RASAL2: variants seen among roughly 807,000 people sequenced by gnomAD.
RASAL2 encodes the protein RAS protein activator like 2, also known as ras GTPase-activating protein nGAP.
Under a neutral mutation model 128.9 loss-of-function variants are expected in RASAL2, and 58 were observed. That is an observed-to-expected ratio of 0.45 (90% CI 0.36 to 0.56). RASAL2 has a LOEUF of 0.56. Ranked by LOEUF, RASAL2 falls within the 20% of genes least tolerant of loss-of-function variation. RASAL2 has a pLI of 0.00. For missense variants in RASAL2, 1,360 were observed against 1,601.6 expected, an observed-to-expected ratio of 0.85 and a Z score of 2.57; for synonymous variants, 561 against 580.8, an observed-to-expected ratio of 0.97 and a Z score of 0.49.
In RASAL2 at chr1:178,163,501, A is replaced by G. The variant is rs140582860; in HGVS notation, c.202+68807A>G. Among the ~76,000 whole-genome samples, 122 of 152,250 alleles carry G rather than the reference A, an allele frequency of 8.0e-4. 1 individual carries two copies. Among genetic ancestry groups the G allele is most frequent in the African/African-American group, 1.4e-3 (58 of 41,562 alleles). On this transcript the variant is annotated intron_variant, in intron 1 of 17. Coordinates refer to ENST00000367649, the MANE Select transcript of RASAL2 (RefSeq NM_170692.4). Reference sequence around the variant, plus strand: ...TTTGTATATGGTGTGACTAGGGTCTAACTTTATACTTCTGCATGTGGATAT... The same window carrying G: ...TTTGTATATGGTGTGACTAGGGTCTGACTTTATACTTCTGCATGTGGATAT...
chr1:178,419,667 G>A (rs141324566), intron 4 of RASAL2, among the ~76,000 whole-genome samples: 224 of 152,188 alleles, frequency 1.5e-3, no homozygotes, highest in African/African-American at 5.1e-3. Context: ...AGTAGTGACC[G>A]TCATTCATTT....
chr1:178,469,014 T>C (rs1445629304), intron 17 of RASAL2, among the ~76,000 whole-genome samples: 1 of 152,204 alleles, frequency 6.6e-6, no homozygotes, highest in Non-Finnish European at 1.5e-5. Flanking sequence ...AGTATCAGTC[T>C]TGGCCAGGCA....
chr1:178,182,300 A>G (rs1157868028), intron 1 of RASAL2, among the ~76,000 whole-genome samples: 6 of 152,152 alleles, frequency 3.9e-5, no homozygotes, highest in African/African-American at 7.2e-5. Context: ...TTTTGGCACT[A>G]CAAGATGCTC....
chr1:178,257,847 G>GAAAAAAAAA (rs71108038), intron 1 of RASAL2, among the ~76,000 whole-genome samples: 2 of 128,072 alleles, frequency 1.6e-5, no homozygotes, highest in African/African-American at 3.3e-5. Flanking sequence ...TCTCAAAAAA[G>GAAAAAAAAA]AAAAAAAAAA....
intron 9 of RASAL2, among the ~76,000 whole-genome samples, chr1:178,447,969 A>G (rs1164321334): frequency 1.3e-5 from 2 of 152,142 alleles, no homozygotes; most frequent in African/African-American, 4.8e-5. Flanking sequence ...TTCAATTTGA[A>G]GTTCTAGTAG....
intron 9 of RASAL2, among the ~76,000 whole-genome samples, chr1:178,450,961 G>A (rs779137166): frequency 1.3e-5 from 2 of 152,132 alleles, no homozygotes; most frequent in Non-Finnish European, 2.9e-5. Flanking sequence ...GGAATAGTGG[G>A]TGTATCTTCA....
chr1:178,331,393 A>G (rs577367936), intron 3 of RASAL2, among the ~76,000 whole-genome samples: 15 of 152,194 alleles, frequency 9.9e-5, no homozygotes, highest in Non-Finnish European at 1.2e-4. Flanking sequence ...TTGAATCCCT[A>G]TGCCCTTATA....
intron 1 of RASAL2, among the ~76,000 whole-genome samples, chr1:178,221,337 T>C (rs1400999713): frequency 6.6e-6 from 1 of 152,214 alleles, no homozygotes; most frequent in Admixed American, 6.5e-5. Context: ...GTTTTTCTAG[T>C]ATCCTAAGGT....
intron 1 of RASAL2, among the ~76,000 whole-genome samples, chr1:178,169,644 A>G (rs967464710): frequency 7.9e-5 from 12 of 151,904 alleles, no homozygotes; most frequent in Admixed American, 2.0e-4. Flanking sequence ...ACAGTTTTCA[A>G]GTTTGTACCT....
rs947830972 is a variant in RASAL2, at chr1:178,476,584, C to T, written c.*3345C>T. On this transcript the variant is annotated 3_prime_UTR_variant, in exon 18 of 18. Transcript: ENST00000367649. ...TTTTTTCATATAGTATCAAGTTGGT[C>T]AGAATTAGCTTTCTCTGACTGGTCT... 6.6e-6 allele frequency: 1 copy of T among 152,008 alleles called. No individual in the cohort carries two copies. Among genetic ancestry groups the T allele is most frequent in the Admixed American group, 6.6e-5 (1 of 15,266 alleles). The allele number at this position is 152,008 out of a possible 1,614,324, so 9.4% of individuals were successfully genotyped here.
intron 3 of RASAL2, among the ~76,000 whole-genome samples, chr1:178,358,010 C>T (rs1166993373): frequency 2.6e-5 from 4 of 151,774 alleles, no homozygotes; most frequent in African/African-American, 4.8e-5. Context: ...CTAAGGAAGG[C>T]GGATCACTGG....
chr1:178,229,572 ATGT>A (rs1480984991), intron 1 of RASAL2, among the ~76,000 whole-genome samples: 5 of 151,934 alleles, frequency 3.3e-5, no homozygotes, highest in African/African-American at 9.7e-5. Context: ...CACACAAATG[ATGT>A]TGTATCCCTC....
intron 1 of RASAL2, among the ~76,000 whole-genome samples, chr1:178,142,031 A>G (rs959695638): frequency 6.6e-6 from 1 of 152,102 alleles, no homozygotes; most frequent in Non-Finnish European, 1.5e-5. Context: ...GAAAGGGGGT[A>G]AGAGAACAGT....
At position 178,094,106 on chromosome 1, in the gene RASAL2, A is replaced by G; in HGVS notation, c.-387A>G. On this transcript the variant is annotated 5_prime_UTR_variant, in exon 1 of 18. Coordinates refer to ENST00000367649, the MANE Select transcript of RASAL2 (RefSeq NM_170692.4). ...CCGGCCCCGCTCCATCCCCAGCCAGAGCCTGGTCTGACCGCGAGAGACGCC... is the reference window on the plus strand; with the variant it reads ...CCGGCCCCGCTCCATCCCCAGCCAGGGCCTGGTCTGACCGCGAGAGACGCC... The G allele has an allele frequency of 4.2e-6, 1 of 240,098 alleles. No homozygotes were observed. Among genetic ancestry groups the G allele is most frequent in the Admixed American group, 5.9e-5 (1 of 16,998 alleles). The allele number at this position is 240,098 out of a possible 1,614,324, so 14.9% of individuals were successfully genotyped here.
chr1:178,381,609 T>A (rs1050004264), intron 3 of RASAL2, among the ~76,000 whole-genome samples: 3 of 152,142 alleles, frequency 2.0e-5, no homozygotes, highest in Non-Finnish European at 4.4e-5. Flanking sequence ...TTTTTTAATG[T>A]CCTCTATTAA....
intron 1 of RASAL2, among the ~76,000 whole-genome samples, chr1:178,237,395 G>A (rs867307987): frequency 2.6e-5 from 4 of 152,122 alleles, no homozygotes; most frequent in Admixed American, 6.6e-5. Flanking sequence ...ATCAGCCCAT[G>A]GACATTGAAG....
intron 4 of RASAL2, among the ~76,000 whole-genome samples, chr1:178,406,369 A>T (rs1233548609): frequency 6.6e-6 from 1 of 152,230 alleles, no homozygotes. Flanking sequence ...TGTGGAAAAG[A>T]TAAAACTATA....
chr1:178,451,788 T>A (rs1558000862), intron 10 of RASAL2, 73 bp downstream of exon 10: 4 of 1,494,522 alleles, frequency 2.7e-6, no homozygotes, highest in East Asian at 2.3e-5. Flanking sequence ...CATTTTTTCA[T>A]GTAAAAGTCA....
chr1:178,393,334 G>A (rs1393667770), intron 4 of RASAL2, among the ~76,000 whole-genome samples: 5 of 152,110 alleles, frequency 3.3e-5, no homozygotes, highest in East Asian at 1.9e-4. Context: ...GCAACTAGAC[G>A]GTCCCATCTG....
Sources: gnomAD v4.1 joint callset for allele counts (sites outside exome capture counted in the v4.1 genomes callset) on GRCh38, gnomAD v4.1.1 for gene constraint, MANE v1.5 for transcripts, NCBI Gene and HGNC (gene_info 2026-07-23, HGNC 2026-07-21) for gene names.